Variants in HSPBP1 observed in about 807,000 individuals in gnomAD.
HSPBP1 encodes hsp70-binding protein 1.
In HSPBP1, 31 loss-of-function variants were observed where a neutral mutation model predicts 41.7. That is an observed-to-expected ratio of 0.74 (90% CI 0.56 to 1.00). The LOEUF (loss-of-function observed/expected upper bound fraction) is 1.00, where lower values mean the gene tolerates loss of function less well. Ranked by LOEUF, HSPBP1 falls within the 50% of genes least tolerant of loss-of-function variation. The pLI is 0.00. For synonymous variants in HSPBP1, 199 were observed against 214.4 expected, an observed-to-expected ratio of 0.93 and a Z score of 0.63; for missense variants, 439 against 487.9, an observed-to-expected ratio of 0.90 and a Z score of 0.94.
chr19:55,265,252 T>G, intron 7 of HSPBP1, 26 bp downstream of exon 7: 2 of 1,272,988 alleles, frequency 1.6e-6, no homozygotes, highest in African/African-American at 1.7e-5. Context: ...CTGGTCCTCC[T>G]TGCACCCCGT....
rs1354584109 is a variant in HSPBP1 at position 55,265,880 on chromosome 19, A to C, written c.893+6T>G. On this transcript the variant is annotated splice_donor_region_variant and intron_variant, in intron 6 of 7. Transcript: ENST00000433386. ...CAGGCCCCGTCCTCTCAAGGAGCCAAAGTACCTGCACAGGGCTCCAAGCAC... is the reference window on the plus strand; with the variant it reads ...CAGGCCCCGTCCTCTCAAGGAGCCACAGTACCTGCACAGGGCTCCAAGCAC... The C allele has an allele frequency of 1.9e-6, 3 of 1,597,158 alleles. No homozygotes were observed. The African/African-American group carries it at 4.0e-5, about 21-fold the overall frequency.
intron 7 of HSPBP1, among the ~76,000 whole-genome samples, chr19:55,263,749 C>T (rs1250007032): frequency 1.3e-5 from 2 of 152,102 alleles, no homozygotes; most frequent in East Asian, 1.9e-4. Flanking sequence ...CACCTTTGCT[C>T]GTGTGTACCT....
intron 7 of HSPBP1, among the ~76,000 whole-genome samples, 191 bp downstream of exon 7, chr19:55,265,087 C>G (rs947944081): frequency 9.3e-5 from 14 of 150,956 alleles, no homozygotes; most frequent in Admixed American, 8.6e-4. Flanking sequence ...TCCCCTGCCC[C>G]TCACACCTAG....
chr19:55,278,175 G>A (rs1436344130), intron 2 of HSPBP1, among the ~76,000 whole-genome samples: 1 of 152,188 alleles, frequency 6.6e-6, no homozygotes, highest in African/African-American at 2.4e-5. Flanking sequence ...TTGAACCTGA[G>A]AGACAGAGGT....
intron 2 of HSPBP1, among the ~76,000 whole-genome samples, chr19:55,278,515 A>G (rs973831983): frequency 1.3e-5 from 2 of 152,154 alleles, no homozygotes; most frequent in South Asian, 2.1e-4. Context: ...TATGAGGTAT[A>G]TATCATTGTT....
In HSPBP1 at chr19:55,265,890, A is replaced by G; in HGVS notation, c.889T>C (p.Cys297Arg). Residue 297 changes from cysteine (C) to arginine (R), a missense_variant, in exon 6 of 8, where the codon TGC becomes CGC. Coordinates refer to ENST00000433386, the MANE Select transcript of HSPBP1 (RefSeq NM_012267.5). ...CCTCTCAAGGAGCCAAAGTACCTGC[A>G]CAGGGCTCCAAGCACGTGCTCGTGG... ...PFHEHVLGAL[C>R]SLVTDFPQGV... The G allele has an allele frequency of 6.2e-7, 1 of 1,602,830 alleles. No individual in the cohort carries two copies. The highest frequency in any genetic ancestry group is 8.5e-7 in the Non-Finnish European group (1 of 1,176,038).
chr19:55,266,648 T>C (rs1353767033), intron 4 of HSPBP1, among the ~76,000 whole-genome samples: 1 of 147,376 alleles, frequency 6.8e-6, no homozygotes, highest in Non-Finnish European at 1.5e-5. Flanking sequence ...TTATCGTCAA[T>C]CATCGTCACC....
In HSPBP1 at chr19:55,266,217, C is replaced by G; in HGVS notation, c.710G>C (p.Arg237Thr). The G allele has an allele frequency of 6.3e-7, 1 of 1,584,592 alleles. No homozygotes were observed. Among genetic ancestry groups the G allele is most frequent in the Non-Finnish European group, 8.6e-7 (1 of 1,165,662 alleles). Reference sequence around the variant, plus strand: ...CTTCTGCACCTGCTGCTGCATGGCCCTCATCAACACAGAGAAGCCGTCCAG... The same window carrying G: ...CTTCTGCACCTGCTGCTGCATGGCCGTCATCAACACAGAGAAGCCGTCCAG... ...LRLDGFSVLM[R>T]AMQQQVQKLK... Residue 237 changes from arginine (R) to threonine (T), a missense_variant, in exon 5 of 8, where the codon AGG (arginine) becomes ACG (threonine). By Grantham distance (71) the Arg-to-Thr change is moderately conservative (BLOSUM62 -1). Transcript: ENST00000433386.
Position 55,266,159 on chromosome 19 carries a change from G to T in HSPBP1, c.768C>A (p.Asn256Lys). ...TGTGTTCAGGGTGGCCCACCAGCAG[G>T]TTCTGCAGCAGGAATGCTGATTTGA... ...LKVKSAFLLQ[N>K]LLVGHPEHKG... The change falls in exon 5 of 8, where the codon AAC (asparagine) becomes AAA (lysine). Residue 256 changes from asparagine (N) to lysine (K), a missense_variant. By Grantham distance (94) the Asn-to-Lys change is moderately conservative. Coordinates refer to ENST00000433386, the MANE Select transcript of HSPBP1 (RefSeq NM_012267.5). 1.3e-6 allele frequency: 2 copies of T among 1,597,720 alleles called. No homozygotes were observed. The highest frequency in any genetic ancestry group is 1.7e-6 in the Non-Finnish European group (2 of 1,172,394).
rs1182088828 is a variant in HSPBP1, at chr19:55,270,691, GAC to G, written c.640+3705_640+3706del. 3.3e-5 allele frequency among the ~76,000 whole-genome samples: 5 copies of G among 151,554 alleles called. No homozygotes were observed. The highest frequency in any genetic ancestry group is 3.3e-4 in the Admixed American group (5 of 15,202). ...GTCTGTGTGCACACATACCACACAC[GAC>G]ACACTCCACATAAGCACACACCACA... On this transcript the variant is annotated intron_variant, in intron 4 of 7. Transcript: ENST00000433386. The surrounding 1 kb of genome is among the most constrained non-coding windows in gnomAD (Gnocchi z 5.4).
At chr19:55,265,489 G>T in intron 6 of HSPBP1, 100 bp from the exon 7 acceptor site, 1 of 896,406 alleles carries the variant, frequency 1.1e-6, no homozygotes, top group Non-Finnish European at 1.8e-6. Context: ...CAGGAGCCTG[G>T]CAAGTCGCTG....
At chr19:55,279,758 A>C (rs2088182877) in intron 1 of HSPBP1, 56 bp from the exon 2 acceptor site, 5 of 1,522,150 alleles carry the variant, frequency 3.3e-6, no homozygotes, top group South Asian at 1.2e-5. Context: ...ACCCCAAACC[A>C]CTCTGCCCCC....
At chr19:55,279,307 G>C in intron 2 of HSPBP1, 92 bp downstream of exon 2, 1 of 1,136,190 alleles carries the variant, frequency 8.8e-7, no homozygotes, top group Non-Finnish European at 1.3e-6. Flanking sequence ...GAAGACCCTA[G>C]TCTTCTTGTG....
intron 6 of HSPBP1, among the ~76,000 whole-genome samples, chr19:55,265,622 A>C (rs931552281): frequency 2.1e-4 from 32 of 151,874 alleles, no homozygotes; most frequent in Non-Finnish European, 7.4e-5. Flanking sequence ...TGCTGTTGAG[A>C]GCTCCAGCAT....
chr19:55,264,437 CTA>C (rs2122800974), intron 7 of HSPBP1, among the ~76,000 whole-genome samples: 1 of 152,290 alleles, frequency 6.6e-6, no homozygotes, highest in South Asian at 2.1e-4. Flanking sequence ...AATCAGTTAA[CTA>C]TTTGAATTTT....
intron 3 of HSPBP1, among the ~76,000 whole-genome samples, chr19:55,275,851 G>A (rs1361955721): frequency 1.3e-5 from 2 of 151,826 alleles, no homozygotes; most frequent in Admixed American, 6.6e-5. Context: ...AGAAGGGCAA[G>A]GCAGGAGAAT....
rs1322020072 is a variant in HSPBP1, at chr19:55,270,960, CA to C, written c.640+3437del. ...CACGCTACACTAACACACGACACGC[CA>C]AACACCCCACATACACACCATACAC... On this transcript the variant is annotated intron_variant, in intron 4 of 7. Transcript: ENST00000433386. This position sits in a 1 kb window ranked among gnomAD's most constrained non-coding sequence, Gnocchi z 5.4. Among the ~76,000 whole-genome samples, 1 of 151,148 alleles carries C rather than the reference CA, an allele frequency of 6.6e-6. No homozygotes were observed. The highest frequency in any genetic ancestry group is 6.6e-5 in the Admixed American group (1 of 15,138).
At chr19:55,263,481 T>C (rs2087697517) in intron 7 of HSPBP1, among the ~76,000 whole-genome samples, 1 of 152,174 alleles carries the variant, frequency 6.6e-6, no homozygotes, top group Non-Finnish European at 1.5e-5. Flanking sequence ...CCCAGCCATT[T>C]CCCTTCTAGA....
At chr19:55,267,824 T>A (rs2087827710) in intron 4 of HSPBP1, among the ~76,000 whole-genome samples, 1 of 152,184 alleles carries the variant, frequency 6.6e-6, no homozygotes, top group African/African-American at 2.4e-5. Context: ...ATTTTACAGA[T>A]GAGGAAACTG....
Sources: gnomAD v4.1 joint callset for allele counts (sites outside exome capture counted in the v4.1 genomes callset) on GRCh38, gnomAD v4.1.1 for gene constraint, Gnocchi (gnomAD v3.1) non-coding constraint, MANE v1.5 for transcripts, NCBI Gene and HGNC (gene_info 2026-07-23, HGNC 2026-07-21) for gene names.